RAD51B: variants seen among roughly 807,000 people sequenced by gnomAD.
RAD51B encodes the protein RAD51 paralog B, also known as DNA repair protein RAD51 homolog 2.
A neutral mutation model predicts 42.2 loss-of-function variants in RAD51B; 38 were observed. The ratio of observed to expected loss-of-function variants is 0.90; its 90% CI spans 0.70 to 1.18. The LOEUF (loss-of-function observed/expected upper bound fraction) is 1.18, where lower values mean the gene tolerates loss of function less well. Ranked by LOEUF, RAD51B falls within the 50% of genes most tolerant of loss-of-function variation. The pLI is 0.00. For synonymous variants in RAD51B, 154 were observed against 145.2 expected (o/e 1.06, Z -0.43); for missense variants, 373 against 400.7 (o/e 0.93, Z 0.59).
intron 7 of RAD51B, among the ~76,000 whole-genome samples, chr14:67,962,158 A>T (rs1392362527): frequency 1.3e-5 from 2 of 152,338 alleles, no homozygotes; most frequent in Non-Finnish European, 2.9e-5. Flanking sequence ...AGCGTGGAAT[A>T]ATCACGGTAA....
intron 10 of RAD51B, chr14:68,563,659 G>A (rs191641708): frequency 1.1e-4 from 109 of 982,844 alleles, no homozygotes; most frequent in Admixed American, 3.7e-4. Flanking sequence ...GTCATGCTTC[G>A]GGGGAAGGGC....
intron 7 of RAD51B, among the ~76,000 whole-genome samples, chr14:67,949,838 T>A (rs2074409560): frequency 6.6e-6 from 1 of 152,166 alleles, no homozygotes; most frequent in Non-Finnish European, 1.5e-5. Context: ...TTAATCTCCT[T>A]GTACATCTCC....
exon 11 of RAD51B, chr14:68,595,293 C>G (rs1260031490): frequency 9.4e-7 from 1 of 1,065,256 alleles, no homozygotes; most frequent in Non-Finnish European, 1.1e-6. Flanking sequence ...AAAGGCATTT[C>G]GCTTCCTTTG....
At chr14:67,825,794 ATC>A (rs1391045182) in intron 3 of RAD51B, among the ~76,000 whole-genome samples, 2 of 152,052 alleles carry the variant, frequency 1.3e-5, no homozygotes, top group Non-Finnish European at 2.9e-5. Flanking sequence ...CAGTTGCACG[ATC>A]TCGGCTCACT....
At chr14:68,439,751 G>A (rs2085240203) in intron 9 of RAD51B, among the ~76,000 whole-genome samples, 1 of 152,212 alleles carries the variant, frequency 6.6e-6, no homozygotes, top group Non-Finnish European at 1.5e-5. Flanking sequence ...CTTTCCAGAT[G>A]TATCTAAGCT....
At chr14:68,326,911 C>T (rs1049411379) in intron 8 of RAD51B, among the ~76,000 whole-genome samples, 1 of 151,936 alleles carries the variant, frequency 6.6e-6, no homozygotes, top group African/African-American at 2.4e-5. Context: ...GACTGCCTAG[C>T]AGGATCTGAG....
At chr14:68,602,518 CTAGCTAGA>C (rs1566951530) in intron 10 of RAD51B, among the ~76,000 whole-genome samples, 2,654 of 132,520 alleles carry the variant, frequency 0.02, 30 homozygotes, top group Non-Finnish European at 0.033. Context: ...AGATAGATAG[CTAGCTAGA>C]TAGATAGATA....
intron 7 of RAD51B, among the ~76,000 whole-genome samples, chr14:68,190,573 T>A (rs1032202884): frequency 1.3e-5 from 2 of 152,270 alleles, no homozygotes; most frequent in Non-Finnish European, 2.9e-5. Context: ...CATTAATTAA[T>A]CAATAAGCTC....
intron 7 of RAD51B, among the ~76,000 whole-genome samples, chr14:68,136,346 C>A (rs61987538): frequency 1.0e-4 from 2 of 19,700 alleles, no homozygotes; most frequent in Non-Finnish European, 8.2e-4. Context: ...GAGGCCAAGG[C>A]GGGCGGGTGG....
At chr14:67,932,745 A>T (rs10146766) in intron 7 of RAD51B, among the ~76,000 whole-genome samples, 9,091 of 152,098 alleles carry the variant, frequency 0.06, 642 homozygotes, top group African/African-American at 0.17. Context: ...CAGCTCTTAG[A>T]CTTGTCCACT....
intron 10 of RAD51B, among the ~76,000 whole-genome samples, chr14:68,588,629 A>T (rs779738832): frequency 6.6e-6 from 1 of 152,176 alleles, no homozygotes; most frequent in Non-Finnish European, 1.5e-5. Flanking sequence ...AGGAGATACA[A>T]CATGTAACTT....
downstream of RAD51B, among the ~76,000 whole-genome samples, chr14:68,616,335 T>C (rs1032950193): frequency 1.3e-5 from 2 of 152,200 alleles, no homozygotes; most frequent in African/African-American, 4.8e-5. Context: ...TTCATTTATC[T>C]CAAAAAGTCT....
At chr14:68,537,975 A>G (rs1252171937) in intron 10 of RAD51B, among the ~76,000 whole-genome samples, 1 of 152,136 alleles carries the variant, frequency 6.6e-6, no homozygotes, top group East Asian at 1.9e-4. Context: ...GAGCATCAAG[A>G]TGTCTTCATT....
rs568010785 is a variant in RAD51B at position 67,982,676 on chromosome 14, T to C, written c.756+95472T>C. Reference sequence around the variant, plus strand: ...CATAGGCCATCTCAATCTTTATCTATCAATATTTTCCTTCTTTCACTTTCT... The same window carrying C: ...CATAGGCCATCTCAATCTTTATCTACCAATATTTTCCTTCTTTCACTTTCT... On this transcript the variant is annotated intron_variant, in intron 7 of 10. Coordinates refer to ENST00000471583, the MANE Select transcript of RAD51B (RefSeq NM_133510.4). 4.6e-5 allele frequency among the ~76,000 whole-genome samples: 7 copies of C among 151,128 alleles called. No individual in the cohort carries two copies. In the East Asian group the frequency reaches 1.3e-3, roughly 29 times the overall value.
At chr14:68,342,145 A>G (rs1017056766) in intron 8 of RAD51B, among the ~76,000 whole-genome samples, 2 of 152,238 alleles carry the variant, frequency 1.3e-5, no homozygotes. Flanking sequence ...TTACAGAAAT[A>G]GGATGTGAAC....
chr14:68,385,731 T>C (rs1393202822), intron 8 of RAD51B, among the ~76,000 whole-genome samples: 1 of 152,234 alleles, frequency 6.6e-6, no homozygotes, highest in Non-Finnish European at 1.5e-5. Context: ...CAGTATTCTA[T>C]GTGTGAAAGG....
At chr14:68,668,421 C>G (rs1448007478) in intron 11 of RAD51B, among the ~76,000 whole-genome samples, 1 of 152,240 alleles carries the variant, frequency 6.6e-6, no homozygotes. Flanking sequence ...CACTCCACTT[C>G]CCGGCCTCCC....
intron 7 of RAD51B, among the ~76,000 whole-genome samples, chr14:68,187,891 T>A (rs1463731877): frequency 6.6e-6 from 1 of 152,224 alleles, no homozygotes; most frequent in Admixed American, 6.5e-5. Context: ...CTCGGCTCAC[T>A]GCAACCTCCA....
chr14:67,898,314 G>C (rs970401844), intron 7 of RAD51B, among the ~76,000 whole-genome samples: 1 of 152,206 alleles, frequency 6.6e-6, no homozygotes, highest in Admixed American at 6.5e-5. Context: ...CGCTAAATGA[G>C]ATAAGCCAGA....
Sources: gnomAD v4.1 joint callset for allele counts (sites outside exome capture counted in the v4.1 genomes callset) on GRCh38, gnomAD v4.1.1 for gene constraint, MANE v1.5 for transcripts, NCBI Gene and HGNC (gene_info 2026-07-23, HGNC 2026-07-21) for gene names.